The following CADM2 variants were observed in gnomAD, a reference collection of about 807,000 sequenced individuals.
CADM2 encodes cell adhesion molecule 2.
Under a neutral mutation model 49.8 loss-of-function variants are expected in CADM2, and 12 were observed. The observed-to-expected ratio is 0.24, with a 90% confidence interval of 0.15 to 0.39. CADM2 has a LOEUF of 0.39. Ranked by LOEUF, CADM2 falls within the 10% of genes least tolerant of loss-of-function variation. CADM2 has a pLI of 1.00. For missense variants in CADM2, 378 were observed against 492.3 expected (o/e 0.77, Z 2.20); for synonymous variants, 214 against 175.4 (o/e 1.22, Z -1.74).
At chr3:85,696,455 A>G (rs1313522937) in intron 1 of CADM2, among the ~76,000 whole-genome samples, 3 of 151,934 alleles carry the variant, frequency 2.0e-5, no homozygotes, top group Non-Finnish European at 4.4e-5. Context: ...ATGATGAGAG[A>G]TAGGGGCTTG....
At chr3:85,152,306 T>G (rs2107648245) in intron 1 of CADM2, among the ~76,000 whole-genome samples, 1 of 152,282 alleles carries the variant, frequency 6.6e-6, no homozygotes, top group South Asian at 2.1e-4. Context: ...TGGGTGAGTG[T>G]ACTGGGCCAG....
chr3:86,026,105 T>A (rs1733873386), intron 8 of CADM2, among the ~76,000 whole-genome samples: 1 of 152,284 alleles, frequency 6.6e-6, no homozygotes, highest in South Asian at 2.1e-4. Context: ...TTTTGCACAG[T>A]TTTAAGTTGG....
intron 1 of CADM2, among the ~76,000 whole-genome samples, chr3:85,006,884 G>A (rs2033758347): frequency 1.3e-5 from 2 of 151,928 alleles, no homozygotes; most frequent in South Asian, 4.2e-4. Flanking sequence ...TCTGAAATTG[G>A]CAAACTAATT....
chr3:85,216,409 AT>A (rs1475735137), intron 1 of CADM2, among the ~76,000 whole-genome samples: 57 of 149,480 alleles, frequency 3.8e-4, no homozygotes, highest in African/African-American at 1.4e-3. Context: ...TATTACATTA[AT>A]TTTACATTAT....
chr3:85,803,730 C>T (rs2072219417), intron 3 of CADM2, among the ~76,000 whole-genome samples: 3 of 151,968 alleles, frequency 2.0e-5, no homozygotes, highest in Admixed American at 6.6e-5. Context: ...TAAGGCCTTC[C>T]ACTGATTGAG....
At chr3:85,984,301 G>A (rs1359194524) in intron 8 of CADM2, among the ~76,000 whole-genome samples, 1 of 150,670 alleles carries the variant, frequency 6.6e-6, no homozygotes, top group Non-Finnish European at 1.5e-5. Context: ...ATGATTTCTA[G>A]TATTAATATA....
In CADM2 at chr3:86,070,350, C is replaced by G. The variant is rs909234249; in HGVS notation, c.*3567C>G. 5 of 151,900 alleles carry G rather than the reference C, an allele frequency of 3.3e-5. No individual in the cohort carries two copies. The highest frequency in any genetic ancestry group is 7.4e-5 in the Non-Finnish European group (5 of 67,872). 9.4% of individuals were successfully genotyped at this position (151,900 alleles called of 1,614,324 possible). A position where few individuals can be genotyped will look rare whatever the true frequency, so the allele number is the denominator to read the frequency against. ...TATAGCAGCTGTTTGACAGTGATGG[C>G]TCTTCCATGTAACATAGCAGTTATC... On this transcript the variant is annotated 3_prime_UTR_variant, in exon 10 of 10. Coordinates refer to ENST00000383699, the MANE Select transcript of CADM2 (RefSeq NM_001167675.2).
At chr3:85,635,221 T>A (rs1288033498) in intron 1 of CADM2, among the ~76,000 whole-genome samples, 1 of 152,130 alleles carries the variant, frequency 6.6e-6, no homozygotes, top group East Asian at 1.9e-4. Context: ...ACATCATGCC[T>A]GATGCACAAA....
intron 1 of CADM2, among the ~76,000 whole-genome samples, chr3:85,700,014 T>C (rs2066701043): frequency 6.6e-6 from 1 of 152,158 alleles, no homozygotes; most frequent in Non-Finnish European, 1.5e-5. Context: ...TAAATCAATC[T>C]ACTATAAAGA....
At chr3:85,659,280 T>C (rs1382170389) in intron 1 of CADM2, among the ~76,000 whole-genome samples, 1 of 151,894 alleles carries the variant, frequency 6.6e-6, no homozygotes, top group African/African-American at 2.4e-5. Flanking sequence ...ACATGTCTAC[T>C]ACAGTTTTTC....
At chr3:85,487,607 G>T (rs2039477365) in intron 1 of CADM2, among the ~76,000 whole-genome samples, 1 of 149,350 alleles carries the variant, frequency 6.7e-6, no homozygotes, top group Admixed American at 6.8e-5. Flanking sequence ...GGAAGTGGAG[G>T]AGGAGGAGGA....
chr3:85,185,180 T>C (rs1050979845), intron 1 of CADM2, among the ~76,000 whole-genome samples: 1 of 152,196 alleles, frequency 6.6e-6, no homozygotes, highest in African/African-American at 2.4e-5. Context: ...GCCCTATCTT[T>C]TTTTGGCTGG....
At chr3:85,986,440 G>A (rs1447502070) in intron 8 of CADM2, among the ~76,000 whole-genome samples, 1 of 151,524 alleles carries the variant, frequency 6.6e-6, no homozygotes. Context: ...TCTATTATGA[G>A]TGTTTAGCTA....
chr3:85,288,100 T>G, intron 1 of CADM2, among the ~76,000 whole-genome samples: 1 of 149,656 alleles, frequency 6.7e-6, no homozygotes, highest in East Asian at 1.9e-4. Context: ...AGTATAATAA[T>G]AATAAAATTA....
intron 1 of CADM2, among the ~76,000 whole-genome samples, chr3:85,454,779 G>A (rs529376081): frequency 1.3e-5 from 2 of 152,272 alleles, no homozygotes; most frequent in African/African-American, 4.8e-5. Flanking sequence ...TGCAACTATC[G>A]TTGTTGCCTT....
chr3:85,896,769 G>A (rs185297810), intron 5 of CADM2, among the ~76,000 whole-genome samples: 2 of 152,222 alleles, frequency 1.3e-5, no homozygotes, highest in East Asian at 1.9e-4. Flanking sequence ...TTTTCAAGTT[G>A]GCAAAATATA....
chr3:85,717,918 C>T (rs1330256602), intron 1 of CADM2, among the ~76,000 whole-genome samples: 1 of 152,130 alleles, frequency 6.6e-6, no homozygotes, highest in Non-Finnish European at 1.5e-5. Flanking sequence ...CAGGCACCTG[C>T]CACCACGCCT....
chr3:85,382,519 A>C (rs1333158122), intron 1 of CADM2, among the ~76,000 whole-genome samples: 1 of 152,192 alleles, frequency 6.6e-6, no homozygotes, highest in African/African-American at 2.4e-5. Flanking sequence ...TACCTGATAC[A>C]TCATATATAA....
intron 1 of CADM2, among the ~76,000 whole-genome samples, chr3:85,551,275 C>T (rs1195161388): frequency 2.0e-5 from 3 of 152,196 alleles, no homozygotes; most frequent in Non-Finnish European, 4.4e-5. Flanking sequence ...GGCCACTACA[C>T]CCTGCCTAGT....
Sources: allele counts gnomAD v4.1 joint callset (sites outside exome capture counted in the v4.1 genomes callset), GRCh38; gene constraint gnomAD v4.1.1; transcripts MANE v1.5; gene names NCBI Gene and HGNC (gene_info 2026-07-23, HGNC 2026-07-21).